Variants in PPP2R3A observed in about 807,000 individuals in gnomAD.
The protein encoded by PPP2R3A is protein phosphatase 2 regulatory subunit B''alpha.
PPP2R3A carries 80 observed loss-of-function variants against 106.9 expected under a neutral mutation model. That is an observed-to-expected ratio of 0.75 (90% CI 0.62 to 0.90). PPP2R3A has a LOEUF of 0.90. PPP2R3A is among the 40% of genes least tolerant of loss of function. The pLI, the probability that PPP2R3A is intolerant of heterozygous loss-of-function variation, is 0.00. For missense variants in PPP2R3A, 1,386 were observed against 1,350.4 expected (o/e 1.03, Z -0.41); for synonymous variants, 483 against 468.3 (o/e 1.03, Z -0.41).
At chr3:136,065,257 A>G (rs1350758718) in intron 5 of PPP2R3A, among the ~76,000 whole-genome samples, 1 of 152,304 alleles carries the variant, frequency 6.6e-6, no homozygotes, top group South Asian at 2.1e-4. Flanking sequence ...TTGATAAAGT[A>G]CTAATTATAA....
intron 5 of PPP2R3A, among the ~76,000 whole-genome samples, chr3:136,060,150 C>A (rs768652219): frequency 6.6e-6 from 1 of 152,054 alleles, no homozygotes; most frequent in Non-Finnish European, 1.5e-5. Flanking sequence ...AAAGATAATA[C>A]GGTATATATA....
chr3:136,076,515 T>C (rs1385746913), intron 6 of PPP2R3A, among the ~76,000 whole-genome samples: 1 of 152,226 alleles, frequency 6.6e-6, no homozygotes, highest in Middle Eastern at 3.2e-3. Flanking sequence ...TCATCTGCTA[T>C]GCAAAACTCT....
chr3:136,139,449 C>T (rs1317846141), intron 13 of PPP2R3A, among the ~76,000 whole-genome samples: 1 of 151,952 alleles, frequency 6.6e-6, no homozygotes, highest in Non-Finnish European at 1.5e-5. Flanking sequence ...TACTCCCAGC[C>T]CTTTGGGAGG....
At chr3:136,068,700 A>G (rs1271580072) in intron 5 of PPP2R3A, among the ~76,000 whole-genome samples, 1 of 152,236 alleles carries the variant, frequency 6.6e-6, no homozygotes, top group Admixed American at 6.5e-5. Context: ...TTGAGGAGAA[A>G]TAGGATATTG....
chr3:136,109,465 CA>C (rs1415791152), intron 13 of PPP2R3A, among the ~76,000 whole-genome samples: 1 of 151,938 alleles, frequency 6.6e-6, no homozygotes, highest in Non-Finnish European at 1.5e-5. Flanking sequence ...TTAAGACCCC[CA>C]AAAAAACTGT....
chr3:136,058,761 A>G (rs1935969921), intron 5 of PPP2R3A, among the ~76,000 whole-genome samples: 1 of 152,224 alleles, frequency 6.6e-6, no homozygotes, highest in African/African-American at 2.4e-5. Context: ...GAACAATGCT[A>G]CAAGGCTACA....
chr3:136,089,590 T>C (rs1937041822), intron 9 of PPP2R3A, among the ~76,000 whole-genome samples: 1 of 151,382 alleles, frequency 6.6e-6, no homozygotes, highest in Non-Finnish European at 1.5e-5. Flanking sequence ...CCATATGAAT[T>C]TTAGAATGGT....
chr3:135,980,941 G>A (rs775147782), intron 1 of PPP2R3A, among the ~76,000 whole-genome samples: 2 of 151,940 alleles, frequency 1.3e-5, no homozygotes, highest in Non-Finnish European at 2.9e-5. Flanking sequence ...TGTACTGAAT[G>A]ACAGTGGTAA....
intron 1 of PPP2R3A, among the ~76,000 whole-genome samples, chr3:135,997,985 A>G (rs185398220): frequency 6.6e-6 from 1 of 152,288 alleles, no homozygotes; most frequent in Admixed American, 6.5e-5. Flanking sequence ...TCTCTAGCCT[A>G]AAAGTCTTTG....
intron 3 of PPP2R3A, among the ~76,000 whole-genome samples, chr3:136,027,750 T>C (rs1934720022): frequency 1.3e-5 from 2 of 152,194 alleles, no homozygotes; most frequent in South Asian, 4.1e-4. Context: ...TGCTTTGTTT[T>C]GTTTGGGCTT....
intron 1 of PPP2R3A, among the ~76,000 whole-genome samples, chr3:135,986,337 A>G (rs1194435818): frequency 1.3e-5 from 2 of 152,220 alleles, no homozygotes; most frequent in East Asian, 1.9e-4. Context: ...TCTCCCTTGC[A>G]TACATCCTCA....
intron 2 of PPP2R3A, among the ~76,000 whole-genome samples, chr3:136,019,441 C>T (rs1934387899): frequency 6.6e-6 from 1 of 152,142 alleles, no homozygotes; most frequent in Admixed American, 6.5e-5. Context: ...TTATAATTCC[C>T]AGCCCCATAG....
chr3:136,119,584 T>C (rs1937912312), intron 13 of PPP2R3A, among the ~76,000 whole-genome samples: 1 of 152,158 alleles, frequency 6.6e-6, no homozygotes, highest in Non-Finnish European at 1.5e-5. Flanking sequence ...AAGACATTTA[T>C]GCAGCCAACA....
At chr3:136,022,976 T>C (rs1197565280) in intron 2 of PPP2R3A, 4 of 1,563,924 alleles carry the variant, frequency 2.6e-6, no homozygotes, top group Non-Finnish European at 3.4e-6. Flanking sequence ...GAAGAAAAAA[T>C]ACCTTCCTAC....
intron 13 of PPP2R3A, among the ~76,000 whole-genome samples, chr3:136,143,878 T>C (rs1359021468): frequency 6.6e-6 from 1 of 152,232 alleles, no homozygotes; most frequent in Non-Finnish European, 1.5e-5. Context: ...CCCTCACTAA[T>C]TGGCCCCAAT....
rs533533438 is a variant in PPP2R3A at position 136,145,667 on chromosome 3, C to A, written c.*501C>A. On this transcript the variant is annotated 3_prime_UTR_variant, in exon 14 of 14. Coordinates refer to ENST00000264977, the MANE Select transcript of PPP2R3A (RefSeq NM_002718.5). The stretch of plus-strand genomic sequence containing the variant: ...CACTGCCAAAACATCTCAGAGACTT[C>A]TTTTATGTATACTGGAGTTCAAAGA... 3 of 152,872 alleles carry A rather than the reference C, an allele frequency of 2.0e-5. No homozygotes were observed. Among genetic ancestry groups the A allele is most frequent in the South Asian group, 2.1e-4 (1 of 4,836 alleles). 9.5% of individuals were successfully genotyped at this position (152,872 alleles called of 1,614,324 possible).
chr3:136,147,682 AATAGC>A lies in PPP2R3A; in HGVS notation c.*2520_*2524del, dbSNP rs1939193310. On this transcript the variant is annotated 3_prime_UTR_variant, in exon 14 of 14. Transcript: ENST00000264977. ...TGCTAATTCAATGAGAAATGAGTTTAATAGCATAACATTACCAAGGTAATCAAACT... is the reference window on the plus strand; with the variant it reads ...TGCTAATTCAATGAGAAATGAGTTTAATAACATTACCAAGGTAATCAAACT... 1 of 152,404 alleles carries A rather than the reference AATAGC, an allele frequency of 6.6e-6. No homozygotes were observed. The highest frequency in any genetic ancestry group is 1.5e-5 in the Non-Finnish European group (1 of 68,026). 9.4% of individuals were successfully genotyped at this position (152,404 alleles called of 1,614,324 possible).
chr3:136,139,420 G>A (rs1191163975), intron 13 of PPP2R3A, among the ~76,000 whole-genome samples: 2 of 152,110 alleles, frequency 1.3e-5, no homozygotes, highest in Non-Finnish European at 1.5e-5. Flanking sequence ...CTCAGGCTAG[G>A]TGCGGTGGTT....
At chr3:136,023,138 G>A in intron 2 of PPP2R3A, 3 of 1,613,544 alleles carry the variant, frequency 1.9e-6, no homozygotes, top group Non-Finnish European at 2.5e-6. Flanking sequence ...TCCTGGCAAG[G>A]GGCTGTGATT....
Sources: allele counts gnomAD v4.1 joint callset (sites outside exome capture counted in the v4.1 genomes callset), GRCh38; gene constraint gnomAD v4.1.1; transcripts MANE v1.5; gene names NCBI Gene and HGNC (gene_info 2026-07-23, HGNC 2026-07-21).